Variants in RETREG3 observed in about 807,000 individuals in gnomAD.
RETREG3 encodes the protein reticulophagy regulator 3.
RETREG3 carries 23 observed loss-of-function variants against 50.2 expected under a neutral mutation model. The ratio of observed to expected loss-of-function variants is 0.46; its 90% CI spans 0.33 to 0.65. The LOEUF is 0.65. RETREG3 is among the 30% of genes least tolerant of loss of function. The pLI, the probability that RETREG3 is intolerant of heterozygous loss-of-function variation, is 0.02. For missense variants in RETREG3, 546 were observed against 598.0 expected (o/e 0.91, Z 0.91); for synonymous variants, 240 against 234.4 (o/e 1.02, Z -0.22).
rs141384891 is a variant in RETREG3 at position 42,597,581 on chromosome 17, G to A, written c.240-5419C>T. Reference sequence around the variant, plus strand: ...TTTTGTGTATATATATATTTTGTGTGTATATATATATATATATATATATAT... The same window carrying A: ...TTTTGTGTATATATATATTTTGTGTATATATATATATATATATATATATAT... On this transcript the variant is annotated intron_variant, in intron 1 of 8. Coordinates refer to ENST00000309428, the MANE Select transcript of RETREG3 (RefSeq NM_178126.4). Among the ~76,000 whole-genome samples the A allele has an allele frequency of 2.8e-3, 120 of 43,508 alleles. 4 individuals carry two copies. The highest frequency in any genetic ancestry group is 9.2e-3 in the African/African-American group (101 of 10,944). 28.5% of individuals were successfully genotyped at this position (43,508 alleles called of 152,430 possible).
In RETREG3 at chr17:42,586,840, A is replaced by C. The variant is rs200843863; in HGVS notation, c.429T>G (p.His143Gln). The C allele has an allele frequency of 6.2e-7, 1 of 1,614,154 alleles. No individual in the cohort carries two copies. Reference sequence around the variant, plus strand: ...TCCCACTAACCCAGACTTCAGCTACATGGTGGCAGAGCTCGGGCACGCTGA... The same window carrying C: ...TCCCACTAACCCAGACTTCAGCTACCTGGTGGCAGAGCTCGGGCACGCTGA... ...RLLSVPELCHHVAEVWVSGTI... is the reference protein window; with the variant it reads ...RLLSVPELCHQVAEVWVSGTI... The change falls in exon 4 of 9, where the codon CAT becomes CAG. Residue 143 changes from histidine to glutamine, a missense_variant. By Grantham distance (24) the His-to-Gln change is conservative. Transcript: ENST00000309428.
At chr17:42,601,701 C>G (rs1223807082) in intron 1 of RETREG3, among the ~76,000 whole-genome samples, 1 of 131,226 alleles carries the variant, frequency 7.6e-6, no homozygotes, top group Non-Finnish European at 1.6e-5. Flanking sequence ...GGCGCGATCT[C>G]GGGTCACCAC....
At position 42,582,060 on chromosome 17, in the gene RETREG3, C is replaced by T. The variant is rs756278847; in HGVS notation, c.1154G>A (p.Gly385Asp). ...GAGGTTGGATCCTACAGGAAGAGCA[C>T]CAAGCAGGAGCTCCGGCAGCGCAGC... is the stretch of plus-strand genomic sequence containing the variant. The part of the protein sequence containing the change: ...DEAALPELLL[G>D]ALPVGSNLTS... The change falls in exon 9 of 9, where the codon GGT (glycine) becomes GAT (aspartate). Residue 385 changes from glycine to aspartate, a missense_variant. By Grantham distance (94) the Gly-to-Asp change is moderately conservative. Transcript: ENST00000309428. 1.7e-5 allele frequency: 27 copies of T among 1,613,952 alleles called. No homozygotes were observed. The highest frequency in any genetic ancestry group is 1.6e-4 in the Middle Eastern group (1 of 6,084).
rs562088925 is a variant in RETREG3, at chr17:42,604,710, A to AG, written c.239+4375_239+4376insC. On this transcript the variant is annotated intron_variant, in intron 1 of 8. Transcript: ENST00000309428. ...ATTCCCCAGCAAAAAAAAAAAAAAA[A>AG]AAAAAAAACTGAAAGAGCTCAGCAG... Among the ~76,000 whole-genome samples the AG allele has an allele frequency of 5.8e-3, 873 of 151,784 alleles. 2 individuals carry two copies. The highest frequency in any genetic ancestry group is 1.0e-2 in the Non-Finnish European group (676 of 67,866).
intron 2 of RETREG3, among the ~76,000 whole-genome samples, 200 bp from the exon 3 acceptor site, chr17:42,588,064 T>C (rs938238240): frequency 6.6e-6 from 1 of 152,206 alleles, no homozygotes; most frequent in Non-Finnish European, 1.5e-5. Flanking sequence ...CTACTCATTT[T>C]TCGAGGGGAA....
At position 42,586,093 on chromosome 17, in the gene RETREG3, CA is replaced by C; in HGVS notation, c.548del (p.Leu183TrpfsTer13). 1 of 1,613,868 alleles carries C rather than the reference CA, an allele frequency of 6.2e-7. No homozygotes were observed. Among genetic ancestry groups the C allele is most frequent in the Non-Finnish European group, 8.5e-7 (1 of 1,179,984 alleles). Reference protein sequence around the residue: ...SCGILTFLAVLGRYVPGLLLS... With the variant: ...SCGILTFLAVXGRYVPGLLLS... Reference sequence around the variant, plus strand: ...GCAGAAGCCCAGGGACGTAGCGGCCCAAGACAGCCAAAAAGGTCAGTATCCC... The same window carrying C: ...GCAGAAGCCCAGGGACGTAGCGGCCCAGACAGCCAAAAAGGTCAGTATCCC... On this transcript the variant is annotated frameshift_variant, in exon 5 of 9. Coordinates refer to ENST00000309428, the MANE Select transcript of RETREG3 (RefSeq NM_178126.4). LOFTEE classifies it high-confidence loss of function.
chr17:42,597,670 C>T (rs1306992707), intron 1 of RETREG3, among the ~76,000 whole-genome samples: 1 of 112,094 alleles, frequency 8.9e-6, no homozygotes, highest in African/African-American at 3.4e-5. Flanking sequence ...CACTCTGTCA[C>T]CCAGGCTAGA....
chr17:42,581,500 ACAG>A lies in RETREG3; in HGVS notation c.*310_*312del. The stretch of plus-strand genomic sequence containing the variant: ...CCTGAGCACTCATACCTAAAAGCAA[ACAG>A]CAGCACCTCCTCAAAGGGGAACCAA... On this transcript the variant is annotated 3_prime_UTR_variant, in exon 9 of 9. Coordinates refer to ENST00000309428, the MANE Select transcript of RETREG3 (RefSeq NM_178126.4). 3.7e-6 allele frequency: 1 copy of A among 267,274 alleles called. No homozygotes were observed. Among genetic ancestry groups the A allele is most frequent in the East Asian group, 7.3e-5 (1 of 13,788 alleles). 16.6% of individuals were successfully genotyped at this position (267,274 alleles called of 1,614,324 possible). A position where few individuals can be genotyped will look rare whatever the true frequency, so the allele number is the denominator to read the frequency against.
intron 1 of RETREG3, 97 bp from the exon 2 acceptor site, chr17:42,592,259 T>G (rs558846227): frequency 5.1e-4 from 483 of 938,308 alleles, no homozygotes; most frequent in Non-Finnish European, 6.6e-4. Context: ...GTAAACAGAC[T>G]TGAGGTCTAG....
chr17:42,586,366 G>T, intron 4 of RETREG3: 2 of 510,804 alleles, frequency 3.9e-6, no homozygotes, highest in South Asian at 5.3e-5. Context: ...TTCCTGCCAA[G>T]AAATTGGTTT....
intron 1 of RETREG3, among the ~76,000 whole-genome samples, chr17:42,593,850 ATTTTTTCCC>A (rs1178466830): frequency 1.3e-5 from 2 of 152,038 alleles, no homozygotes; most frequent in African/African-American, 4.8e-5. Flanking sequence ...ACTCTGGGTC[ATTTTTTCCC>A]TTTTTTCCCC....
chr17:42,608,582 A>C (rs1455110624), intron 1 of RETREG3: 2 of 152,580 alleles, frequency 1.3e-5, no homozygotes, highest in African/African-American at 4.8e-5. Context: ...TAGACTTCAT[A>C]AACTTCCTTC....
intron 1 of RETREG3, 99 bp from the exon 2 acceptor site, chr17:42,592,261 G>T: frequency 1.1e-6 from 1 of 907,148 alleles, no homozygotes; most frequent in Non-Finnish European, 1.7e-6. Context: ...AAACAGACTT[G>T]AGGTCTAGCT....
intron 2 of RETREG3, among the ~76,000 whole-genome samples, chr17:42,589,511 C>A (rs1286668881): frequency 6.6e-6 from 1 of 152,184 alleles, no homozygotes; most frequent in Non-Finnish European, 1.5e-5. Context: ...CGGCTCACTG[C>A]AGCCTCAACC....
At chr17:42,603,716 G>T (rs1016065511) in intron 1 of RETREG3, among the ~76,000 whole-genome samples, 1 of 152,154 alleles carries the variant, frequency 6.6e-6, no homozygotes, top group African/African-American at 2.4e-5. Flanking sequence ...GGTGGCTCAC[G>T]CCTGTAATCC....
chr17:42,607,386 G>A (rs912176685), intron 1 of RETREG3, among the ~76,000 whole-genome samples: 1 of 151,074 alleles, frequency 6.6e-6, no homozygotes. Flanking sequence ...TCTGGTCCCA[G>A]CTATTGTGGA....
intron 1 of RETREG3, among the ~76,000 whole-genome samples, chr17:42,600,077 C>T (rs1160457628): frequency 2.0e-5 from 3 of 150,964 alleles, no homozygotes; most frequent in African/African-American, 4.9e-5. Flanking sequence ...AAAAAAAAAA[C>T]AACAAATAAA....
intron 5 of RETREG3, 79 bp from the exon 6 acceptor site, chr17:42,585,341 G>C: frequency 6.4e-7 from 1 of 1,558,944 alleles, no homozygotes; most frequent in Non-Finnish European, 8.7e-7. Context: ...GCTGCTATTG[G>C]TCCTTAGGGC....
At chr17:42,582,622 TAA>T in intron 8 of RETREG3, 50 bp downstream of exon 8, 1 of 1,609,712 alleles carries the variant, frequency 6.2e-7, no homozygotes, top group Non-Finnish European at 8.5e-7. Flanking sequence ...TCAGGGAAGC[TAA>T]GAGGCAACAG....
Sources: allele counts gnomAD v4.1 joint callset (sites outside exome capture counted in the v4.1 genomes callset), GRCh38; gene constraint gnomAD v4.1.1; transcripts MANE v1.5; gene names NCBI Gene and HGNC (gene_info 2026-07-23, HGNC 2026-07-21).